Variants in RNF24 observed in about 807,000 individuals in gnomAD.
RNF24 encodes the protein ring finger protein 24.
A neutral mutation model predicts 20.0 loss-of-function variants in RNF24; 14 were observed. That is an observed-to-expected ratio of 0.70 (90% CI 0.46 to 1.10). The LOEUF (loss-of-function observed/expected upper bound fraction) is 1.10, where lower values mean the gene tolerates loss of function less well. RNF24 is among the 50% of genes least tolerant of loss of function. The pLI, the probability that RNF24 is intolerant of heterozygous loss-of-function variation, is 0.00. For synonymous variants in RNF24, 45 were observed against 61.1 expected, an observed-to-expected ratio of 0.74 and a Z score of 1.23; for missense variants, 124 against 177.6, an observed-to-expected ratio of 0.70 and a Z score of 1.71.
intron 1 of RNF24, among the ~76,000 whole-genome samples, chr20:4,000,275 G>A (rs144756872): frequency 8.3e-4 from 126 of 152,322 alleles, no homozygotes; most frequent in Non-Finnish European, 1.5e-3. Context: ...TGTGATCCCA[G>A]CACTTTGGGA....
rs897719820 is a variant in RNF24, at chr20:3,932,951, G to T, written c.*1112C>A. On this transcript the variant is annotated 3_prime_UTR_variant, in exon 6 of 6. Transcript: ENST00000358395. ...AAATACTGAGGCACACACCAACGGTGGACAGCCCTGCAGGAGCTTCCTGAA... is the reference window on the plus strand; with the variant it reads ...AAATACTGAGGCACACACCAACGGTTGACAGCCCTGCAGGAGCTTCCTGAA... The T allele has an allele frequency of 5.0e-6, 2 of 398,378 alleles. No individual in the cohort carries two copies. The highest frequency in any genetic ancestry group is 4.1e-5 in the African/African-American group (2 of 48,570). The allele number at this position is 398,378 out of a possible 1,614,324, so 24.7% of individuals were successfully genotyped here. A position where few individuals can be genotyped will look rare whatever the true frequency, so the allele number is the denominator to read the frequency against.
rs920110021 is a variant in RNF24, at chr20:3,930,969, T to C, written c.*3094A>G. The C allele has an allele frequency of 6.6e-6, 1 of 152,238 alleles. No individual in the cohort carries two copies. Among genetic ancestry groups the C allele is most frequent in the Non-Finnish European group, 1.5e-5 (1 of 68,072 alleles). 9.4% of individuals were successfully genotyped at this position (152,238 alleles called of 1,614,324 possible). A position where few individuals can be genotyped will look rare whatever the true frequency, so the allele number is the denominator to read the frequency against. ...GCAAGCATAGGCTTCAAGGACCTTA[T>C]CTGCCAGGGACAGGCCTAACCAAAT... is the stretch of plus-strand genomic sequence containing the variant. On this transcript the variant is annotated 3_prime_UTR_variant, in exon 6 of 6. Transcript: ENST00000358395.
At chr20:3,998,773 T>TA (rs56673788) in intron 1 of RNF24, among the ~76,000 whole-genome samples, 2,139 of 133,688 alleles carry the variant, frequency 0.016, 68 homozygotes, top group African/African-American at 0.051. Flanking sequence ...AAAATTAAAT[T>TA]AAAAAAAATA....
At chr20:3,941,514 ATAAAT>A (rs2090955148) in intron 4 of RNF24, among the ~76,000 whole-genome samples, 1 of 152,298 alleles carries the variant, frequency 6.6e-6, no homozygotes, top group African/African-American at 2.4e-5. Flanking sequence ...ATCACAACAG[ATAAAT>A]TAAAATGAAG....
chr20:4,002,286 T>C (rs997181572), intron 1 of RNF24, among the ~76,000 whole-genome samples: 4 of 152,122 alleles, frequency 2.6e-5, no homozygotes, highest in Admixed American at 2.6e-4. Context: ...CTCTGGAGGC[T>C]GAGGCAGGAG....
rs137901615 is a variant in RNF24, at chr20:3,963,439, C to T, written c.143+436G>A. Among the ~76,000 whole-genome samples, 8 of 152,216 alleles carry T rather than the reference C, an allele frequency of 5.3e-5. No homozygotes were observed. The East Asian group carries it at 7.7e-4, about 15-fold the overall frequency. ...AACTCCCGACCTTAGGTGATCCACT[C>T]GCCTGGGCCTCCCAAAGTGCTGGGA... is the stretch of plus-strand genomic sequence containing the variant. On this transcript the variant is annotated intron_variant, in intron 2 of 5. Coordinates refer to ENST00000358395, the MANE Select transcript of RNF24 (RefSeq NM_001134337.3).
chr20:3,949,037 A>T (rs2091051602), intron 2 of RNF24, among the ~76,000 whole-genome samples: 1 of 152,190 alleles, frequency 6.6e-6, no homozygotes, highest in Non-Finnish European at 1.5e-5. Context: ...GGACATATAT[A>T]CTCATTTCTG....
intron 1 of RNF24, among the ~76,000 whole-genome samples, chr20:4,008,411 T>TATATATATAATATATAATATGTATA (rs1982101663): frequency 2.6e-5 from 1 of 37,738 alleles, no homozygotes; most frequent in African/African-American, 9.1e-5. Flanking sequence ...ATATGTATAA[T>TATATATATAATATATAATATGTATA]ATATATATTA....
At chr20:3,941,435 A>G (rs993609833) in intron 4 of RNF24, among the ~76,000 whole-genome samples, 5 of 152,222 alleles carry the variant, frequency 3.3e-5, no homozygotes, top group African/African-American at 1.2e-4. Context: ...TTAAAAAACT[A>G]ATTCTAAATA....
Position 3,934,325 on chromosome 20 carries a change from C to T in RNF24, c.309-124G>A. 1 of 938,832 alleles carries T rather than the reference C, an allele frequency of 1.1e-6. No homozygotes were observed. Among genetic ancestry groups the T allele is most frequent in the Non-Finnish European group, 1.5e-6 (1 of 659,598 alleles). The allele number at this position is 938,832 out of a possible 1,614,324, so 58.2% of individuals were successfully genotyped here. On this transcript the variant is annotated intron_variant, in intron 5 of 5. Coordinates refer to ENST00000358395, the MANE Select transcript of RNF24 (RefSeq NM_001134337.3). The surrounding 1 kb of genome is among the most constrained non-coding windows in gnomAD (Gnocchi z 4.0). ...GCTGTATGGTCCAAGGAGCTCCCCT[C>T]CTAGGTGGTGAACGGATGTCACCCC...
intron 4 of RNF24, among the ~76,000 whole-genome samples, chr20:3,935,652 A>G (rs1254979970): frequency 6.6e-6 from 1 of 152,258 alleles, no homozygotes; most frequent in African/African-American, 2.4e-5. Flanking sequence ...ACATGTGCAG[A>G]TGGGACCAGG....
intron 1 of RNF24, chr20:3,974,415 A>G: frequency 6.5e-7 from 1 of 1,537,260 alleles, no homozygotes; most frequent in Non-Finnish European, 8.8e-7. Context: ...CCAGTGCAAT[A>G]AGGTAGAAAA....
chr20:3,935,158 A>G, intron 4 of RNF24, 85 bp from the exon 5 acceptor site: 1 of 1,076,580 alleles, frequency 9.3e-7, no homozygotes, highest in Non-Finnish European at 1.4e-6. Flanking sequence ...CTAAAGGCTC[A>G]ACCGTTTGAA....
intron 4 of RNF24, 71 bp downstream of exon 4, chr20:3,945,106 G>A: frequency 6.4e-7 from 1 of 1,562,704 alleles, no homozygotes; most frequent in Non-Finnish European, 8.7e-7. Flanking sequence ...GAATAAAAGT[G>A]TTTAAACATA....
intron 4 of RNF24, among the ~76,000 whole-genome samples, chr20:3,942,704 A>G (rs2090971379): frequency 6.6e-6 from 1 of 151,736 alleles, no homozygotes; most frequent in South Asian, 2.1e-4. Flanking sequence ...CGATCTCCTG[A>G]CCCTGTGATC....
chr20:3,938,870 C>T (rs2090922137), intron 4 of RNF24, among the ~76,000 whole-genome samples: 1 of 152,136 alleles, frequency 6.6e-6, no homozygotes, highest in Non-Finnish European at 1.5e-5. Context: ...GCCTCAACCT[C>T]CCAAATAGCT....
Position 3,934,015 on chromosome 20 carries a change from G to A in RNF24, c.*48C>T. 7.1e-7 allele frequency: 1 copy of A among 1,414,398 alleles called. No homozygotes were observed. The highest frequency in any genetic ancestry group is 2.7e-5 in the East Asian group (1 of 36,458). The allele number at this position is 1,414,398 out of a possible 1,614,324, so 87.6% of individuals were successfully genotyped here. ...ACAGACACCACATGTGTTCCTCCTG[G>A]CTCCACACAGACGTCGTGTCCAGCA... On this transcript the variant is annotated 3_prime_UTR_variant, in exon 6 of 6. Transcript: ENST00000358395. The surrounding 1 kb of genome is among the most constrained non-coding windows in gnomAD (Gnocchi z 4.0).
At chr20:3,938,005 CTA>C (rs2090912551) in intron 4 of RNF24, among the ~76,000 whole-genome samples, 1 of 152,176 alleles carries the variant, frequency 6.6e-6, no homozygotes, top group East Asian at 1.9e-4. Context: ...TATGGTAACT[CTA>C]TGTTTACCTT....
chr20:3,949,466 G>A (rs756517590), intron 2 of RNF24, among the ~76,000 whole-genome samples: 12 of 152,030 alleles, frequency 7.9e-5, no homozygotes, highest in Admixed American at 5.2e-4. Context: ...CAGGAGGATC[G>A]CTTGAGCCCA....
Sources: gnomAD v4.1 joint callset for allele counts (sites outside exome capture counted in the v4.1 genomes callset) on GRCh38, gnomAD v4.1.1 for gene constraint, Gnocchi (gnomAD v3.1) non-coding constraint, MANE v1.5 for transcripts, NCBI Gene and HGNC (gene_info 2026-07-23, HGNC 2026-07-21) for gene names.